The following CAB39 variants were observed in gnomAD, a reference collection of about 807,000 sequenced individuals.
CAB39 encodes calcium-binding protein 39.
A neutral mutation model predicts 40.0 loss-of-function variants in CAB39; 8 were observed. The observed-to-expected ratio is 0.20, with a 90% CI of 0.12 to 0.36. The LOEUF (loss-of-function observed/expected upper bound fraction) is 0.36. CAB39 is among the 10% of genes least tolerant of loss of function. The pLI, the probability that CAB39 is intolerant of heterozygous loss-of-function variation, is 1.00. For missense variants in CAB39, 270 were observed against 401.1 expected, an observed-to-expected ratio of 0.67 and a Z score of 2.79; for synonymous variants, 156 against 141.6, an observed-to-expected ratio of 1.10 and a Z score of -0.72.
At chr2:230,745,565 C>T (rs1694958302) in intron 1 of CAB39, among the ~76,000 whole-genome samples, 1 of 152,200 alleles carries the variant, frequency 6.6e-6, no homozygotes, top group Non-Finnish European at 1.5e-5. Flanking sequence ...CAATAATCCT[C>T]TTAAAAGCAG....
At chr2:230,814,026 AT>A (rs1696354635) in intron 6 of CAB39, 22 bp from the exon 7 acceptor site, 1 of 179,364 alleles carries the variant, frequency 5.6e-6, no homozygotes, top group East Asian at 1.2e-4. Flanking sequence ...AATAACCCTG[AT>A]TTATGTTCTC....
chr2:230,718,174 C>T (rs556292822), intron 1 of CAB39, among the ~76,000 whole-genome samples: 36 of 152,234 alleles, frequency 2.4e-4, no homozygotes, highest in African/African-American at 7.9e-4. Context: ...TTGAGGACCA[C>T]GGAAGTATGA....
intron 7 of CAB39, among the ~76,000 whole-genome samples, chr2:230,816,932 C>T (rs958122023): frequency 6.6e-6 from 1 of 152,220 alleles, no homozygotes; most frequent in Non-Finnish European, 1.5e-5. Context: ...CCACAAGGAC[C>T]GCAGCTTGGC....
intron 2 of CAB39, among the ~76,000 whole-genome samples, chr2:230,763,997 C>G (rs570152392): frequency 1.3e-5 from 2 of 152,074 alleles, no homozygotes; most frequent in East Asian, 1.9e-4. Flanking sequence ...TGGCACGCAC[C>G]TATAGTCCCA....
chr2:230,732,108 C>T (rs1694702490), intron 1 of CAB39, among the ~76,000 whole-genome samples: 1 of 150,878 alleles, frequency 6.6e-6, no homozygotes, highest in Non-Finnish European at 1.5e-5. Flanking sequence ...GGGAGGGGGA[C>T]TGTCTCACTC....
chr2:230,718,376 G>C (rs1694389273), intron 1 of CAB39, among the ~76,000 whole-genome samples: 1 of 152,204 alleles, frequency 6.6e-6, no homozygotes, highest in African/African-American at 2.4e-5. Flanking sequence ...TATATCAGCT[G>C]TATTGAGGCA....
At chr2:230,815,566 C>G (rs1696385630) in intron 7 of CAB39, among the ~76,000 whole-genome samples, 1 of 152,154 alleles carries the variant, frequency 6.6e-6, no homozygotes, top group Non-Finnish European at 1.5e-5. Context: ...TTAGTAGCTT[C>G]TAGGGCCATT....
intron 1 of CAB39, among the ~76,000 whole-genome samples, chr2:230,723,123 TGTA>T (rs1045342424): frequency 3.3e-5 from 5 of 152,198 alleles, no homozygotes; most frequent in African/African-American, 1.2e-4. Context: ...TTAGCTTTCT[TGTA>T]GTTTTAATTC....
At chr2:230,743,910 A>G (rs1353405152) in intron 1 of CAB39, among the ~76,000 whole-genome samples, 2 of 148,662 alleles carry the variant, frequency 1.3e-5, no homozygotes, top group Non-Finnish European at 3.0e-5. Context: ...GCTCTGATAC[A>G]TGATACTTTT....
chr2:230,796,353 T>A (rs896745735), intron 4 of CAB39, among the ~76,000 whole-genome samples: 5 of 152,312 alleles, frequency 3.3e-5, no homozygotes, highest in Admixed American at 2.6e-4. Context: ...GGCGATTTTT[T>A]TTTTACTGGC....
At chr2:230,742,857 G>A (rs1310974316) in intron 1 of CAB39, among the ~76,000 whole-genome samples, 2 of 152,168 alleles carry the variant, frequency 1.3e-5, no homozygotes, top group Admixed American at 6.5e-5. Context: ...CAAAGAAATG[G>A]CTGCCTTCAT....
intron 1 of CAB39, among the ~76,000 whole-genome samples, chr2:230,754,802 AG>A (rs1393343533): frequency 2.0e-5 from 3 of 152,194 alleles, no homozygotes; most frequent in Non-Finnish European, 4.4e-5. Flanking sequence ...TACAGGCATG[AG>A]CCACTGCGCC....
At chr2:230,750,415 G>T (rs1239919715) in intron 1 of CAB39, among the ~76,000 whole-genome samples, 1 of 152,156 alleles carries the variant, frequency 6.6e-6, no homozygotes, top group Non-Finnish European at 1.5e-5. Context: ...ACCCTCACCA[G>T]AAGCTGACCA....
chr2:230,799,979 G>A (rs1696059270), intron 5 of CAB39, among the ~76,000 whole-genome samples: 2 of 146,558 alleles, frequency 1.4e-5, no homozygotes, highest in African/African-American at 5.1e-5. Context: ...CAACAAAAGC[G>A]AAACTCCATC....
chr2:230,818,675 T>C lies in CAB39; in HGVS notation c.997T>C (p.Leu333=), dbSNP rs1373858880. 1.9e-6 allele frequency: 3 copies of C among 1,613,954 alleles called. No homozygotes were observed. In the African/African-American group the frequency reaches 4.0e-5, roughly 22 times the overall value. ...CTATTTAGTTAAACAGATCAGGGAT[T>C]TGAAGAGACCAGCTCAGCAAGAAGC... The part of the protein sequence containing the change: ...KTYLVKQIRD[L]KRPAQQEA The change falls in exon 9 of 9, where the codon TTG becomes CTG. Residue 333 remains leucine, a synonymous_variant. Coordinates refer to ENST00000258418, the MANE Select transcript of CAB39 (RefSeq NM_016289.4).
At chr2:230,793,393 A>G (rs1232815130) in intron 4 of CAB39, 62 bp downstream of exon 4, 20 of 768,428 alleles carry the variant, frequency 2.6e-5, no homozygotes, top group Non-Finnish European at 3.2e-5. Context: ...TTGCCTTGGG[A>G]AAAAAAACAG....
chr2:230,726,870 C>T (rs1335098341), intron 1 of CAB39, among the ~76,000 whole-genome samples: 1 of 144,720 alleles, frequency 6.9e-6, no homozygotes, highest in Non-Finnish European at 1.5e-5. Flanking sequence ...TATGGAAGCT[C>T]CCGGACTTTT....
intron 1 of CAB39, among the ~76,000 whole-genome samples, chr2:230,735,995 G>A (rs1420329891): frequency 6.6e-6 from 1 of 152,180 alleles, no homozygotes; most frequent in East Asian, 1.9e-4. Flanking sequence ...GGCTCTTTGA[G>A]AGATGGAAGA....
intron 4 of CAB39, among the ~76,000 whole-genome samples, chr2:230,798,328 A>G (rs1696026990): frequency 6.6e-6 from 1 of 152,212 alleles, no homozygotes; most frequent in Non-Finnish European, 1.5e-5. Context: ...ATTTGGGGAA[A>G]TATTTTGTTT....
Sources: allele counts gnomAD v4.1 joint callset (sites outside exome capture counted in the v4.1 genomes callset), GRCh38; gene constraint gnomAD v4.1.1; transcripts MANE v1.5; gene names NCBI Gene and HGNC (gene_info 2026-07-23, HGNC 2026-07-21).